Variants in UCHL5 observed in about 807,000 individuals in gnomAD.
UCHL5 encodes ubiquitin carboxyl-terminal hydrolase isozyme L5.
UCHL5 carries 34 observed loss-of-function variants against 53.8 expected under a neutral mutation model. That is an observed-to-expected ratio of 0.63 (90% CI 0.48 to 0.84). The LOEUF is 0.84. UCHL5 is among the 40% of genes least tolerant of loss of function. The pLI is 0.00. For synonymous variants in UCHL5, 111 were observed against 126.3 expected, an observed-to-expected ratio of 0.88 and a Z score of 0.81; for missense variants, 290 against 385.6, an observed-to-expected ratio of 0.75 and a Z score of 2.08.
At chr1:193,059,862 C>A (rs369587188), upstream of UCHL5, 20 of 1,363,936 alleles carry the variant, frequency 1.5e-5, no homozygotes, top group South Asian at 2.3e-4. The surrounding 1 kb of genome is among the most constrained non-coding windows in gnomAD (Gnocchi z 4.9). Context: ...ATGTCTCTCA[C>A]CCGCATCCCA....
At chr1:193,053,495 T>C (rs1235697057) in intron 1 of UCHL5, among the ~76,000 whole-genome samples, 3 of 152,230 alleles carry the variant, frequency 2.0e-5, no homozygotes, top group Non-Finnish European at 4.4e-5. Flanking sequence ...TCCTTACATA[T>C]GTTAAATATC....
At chr1:193,055,500 C>G (rs542709525) in intron 1 of UCHL5, among the ~76,000 whole-genome samples, 126 of 152,166 alleles carry the variant, frequency 8.3e-4, no homozygotes, top group Non-Finnish European at 1.7e-3. Context: ...GTAATACAAC[C>G]CTTATCTCTA....
intron 3 of UCHL5, among the ~76,000 whole-genome samples, chr1:193,031,120 A>G (rs1379054881): frequency 1.3e-5 from 2 of 152,210 alleles, no homozygotes; most frequent in African/African-American, 4.8e-5. Flanking sequence ...ATTTGGATGC[A>G]AACTTTAATG....
At chr1:193,041,088 C>T (rs1665412085) in intron 3 of UCHL5, among the ~76,000 whole-genome samples, 2 of 151,938 alleles carry the variant, frequency 1.3e-5, no homozygotes, top group South Asian at 4.2e-4. Flanking sequence ...CAGTAGGGTG[C>T]CTATTGTTTA....
intron 6 of UCHL5, 58 bp downstream of exon 6, chr1:193,029,121 A>G: frequency 6.3e-7 from 1 of 1,583,336 alleles, no homozygotes; most frequent in Non-Finnish European, 8.6e-7. Context: ...ATGAGGGTAA[A>G]TACCCAACAG....
intron 7 of UCHL5, 77 bp downstream of exon 7, chr1:193,028,008 A>G: frequency 1.3e-6 from 2 of 1,577,042 alleles, no homozygotes; most frequent in Non-Finnish European, 1.7e-6. Flanking sequence ...CACACTGCTA[A>G]AATAACAATA....
At chr1:193,059,503 G>C (rs1233046579), upstream of UCHL5, 1 of 1,595,208 alleles carries the variant, frequency 6.3e-7, no homozygotes, top group East Asian at 2.3e-5. The surrounding 1 kb of genome is among the most constrained non-coding windows in gnomAD (Gnocchi z 4.9). Flanking sequence ...AGCGGATTCG[G>C]AAGGGCTGGG....
At chr1:193,047,516 A>G (rs1667728304) in intron 3 of UCHL5, among the ~76,000 whole-genome samples, 1 of 152,224 alleles carries the variant, frequency 6.6e-6, no homozygotes, top group South Asian at 2.1e-4. Context: ...CAGCAATAAA[A>G]TAAAAGAAAA....
At chr1:193,053,252 T>A (rs2102885709) in intron 1 of UCHL5, among the ~76,000 whole-genome samples, 1 of 152,314 alleles carries the variant, frequency 6.6e-6, no homozygotes, top group East Asian at 1.9e-4. Context: ...TGGAAGGATG[T>A]TAATGCAACT....
chr1:193,027,761 T>G (rs1317915533), intron 7 of UCHL5: 1 of 436,858 alleles, frequency 2.3e-6, no homozygotes, highest in African/African-American at 2.1e-5. Flanking sequence ...AAAGACAAGA[T>G]GACATACTAC....
intron 3 of UCHL5, among the ~76,000 whole-genome samples, chr1:193,045,779 T>A (rs1667144642): frequency 6.6e-6 from 1 of 152,218 alleles, no homozygotes; most frequent in African/African-American, 2.4e-5. Context: ...TACAAGACAC[T>A]TTTATTTTCT....
intron 3 of UCHL5, among the ~76,000 whole-genome samples, chr1:193,042,318 T>C (rs3945872): frequency 0.64 from 97,457 of 151,978 alleles, 32,054 homozygotes; most frequent in Middle Eastern, 0.72. Context: ...GGAAGTAACA[T>C]AGATAAAGTT....
chr1:193,056,764 A>G (rs958083637), intron 1 of UCHL5, among the ~76,000 whole-genome samples: 1 of 152,218 alleles, frequency 6.6e-6, no homozygotes, highest in Non-Finnish European at 1.5e-5. Flanking sequence ...TCAACAGCCA[A>G]AAGCTTTTTT....
chr1:193,056,305 A>G (rs970827630), intron 1 of UCHL5, among the ~76,000 whole-genome samples: 1 of 152,102 alleles, frequency 6.6e-6, no homozygotes, highest in Non-Finnish European at 1.5e-5. Context: ...TTCCCCAAAA[A>G]ACAGCTCTTA....
Position 193,043,152 on chromosome 1 carries a change from A to AAAAAAAAAAAAAAAC in UCHL5, c.246+6593_246+6594insGTTTTTTTTTTTTTT, listed in dbSNP as rs1666194941. Among the ~76,000 whole-genome samples, 2 of 4,702 alleles carry AAAAAAAAAAAAAAAC rather than the reference A, an allele frequency of 4.3e-4. 1 individual carries two copies. Among genetic ancestry groups the AAAAAAAAAAAAAAAC allele is most frequent in the Non-Finnish European group, 1.0e-3 (2 of 1,976 alleles). 3.1% of individuals were successfully genotyped at this position (4,702 alleles called of 152,430 possible). On this transcript the variant is annotated intron_variant, in intron 3 of 10. Transcript: ENST00000367454. The stretch of plus-strand genomic sequence containing the variant: ...GGAGCCTTGACAGCTCTTGAATATT[A>AAAAAAAAAAAAAAAC]AAAAAAAAAAAAAAAAAAAAAAAAC...
At chr1:193,029,925 T>C (rs763934139) in intron 3 of UCHL5, among the ~76,000 whole-genome samples, 4 of 152,178 alleles carry the variant, frequency 2.6e-5, no homozygotes, top group Non-Finnish European at 5.9e-5. Context: ...ACAAGATCAA[T>C]CATCCTGATG....
chr1:193,026,884 G>A (rs1461772731), intron 7 of UCHL5, among the ~76,000 whole-genome samples: 1 of 152,070 alleles, frequency 6.6e-6, no homozygotes, highest in Non-Finnish European at 1.5e-5. Context: ...CAAAAAGCTG[G>A]TATATCCATA....
In UCHL5 at chr1:193,032,814, A is replaced by C. The variant is rs558935017; in HGVS notation, c.247-3157T>G. Among the ~76,000 whole-genome samples the C allele has an allele frequency of 7.2e-5, 11 of 152,388 alleles. No individual in the cohort carries two copies. In the East Asian group the frequency reaches 2.1e-3, roughly 29 times the overall value. ...CTGGTCATTAGTGAAATGCAAATCAAAACCACAACAAGATACCATCTCACG... is the reference window on the plus strand; with the variant it reads ...CTGGTCATTAGTGAAATGCAAATCACAACCACAACAAGATACCATCTCACG... On this transcript the variant is annotated intron_variant, in intron 3 of 10. Transcript: ENST00000367454.
intron 1 of UCHL5, among the ~76,000 whole-genome samples, chr1:193,054,269 C>T (rs1038189459): frequency 1.3e-5 from 2 of 152,306 alleles, no homozygotes; most frequent in Admixed American, 6.5e-5. Flanking sequence ...GGAGTTCTCC[C>T]AAACTGTTGT....
Sources: allele counts gnomAD v4.1 joint callset (sites outside exome capture counted in the v4.1 genomes callset), GRCh38; gene constraint gnomAD v4.1.1; non-coding constraint Gnocchi (gnomAD v3.1); transcripts MANE v1.5; gene names NCBI Gene and HGNC (gene_info 2026-07-23, HGNC 2026-07-21).